SCN9A: variants seen among roughly 807,000 people sequenced by gnomAD.
SCN9A encodes sodium voltage-gated channel alpha subunit 9, also known as sodium channel protein type 9 subunit alpha.
SCN9A carries 131 observed loss-of-function variants against 187.0 expected under a neutral mutation model. The ratio of observed to expected loss-of-function variants is 0.70; its 90% confidence interval spans 0.61 to 0.81. The LOEUF (loss-of-function observed/expected upper bound fraction) is 0.81, where lower values mean the gene tolerates loss of function less well. Among genes scored for constraint, SCN9A ranks in the 30% least tolerant of loss-of-function variants. SCN9A has a pLI of 0.00. For missense variants in SCN9A, 2,252 were observed against 2,396.6 expected (o/e 0.94, Z 1.26); for synonymous variants, 809 against 808.6 (o/e 1.00, Z -0.01).
chr2:166,369,174 CATATA>C, intron 1 of SCN9A, among the ~76,000 whole-genome samples: 1 of 151,218 alleles, frequency 6.6e-6, no homozygotes, highest in East Asian at 1.9e-4. Context: ...CTATATATAA[CATATA>C]ATATAGTCCT....
At chr2:166,348,471 C>A (rs918289627) in intron 1 of SCN9A, among the ~76,000 whole-genome samples, 1 of 152,140 alleles carries the variant, frequency 6.6e-6, no homozygotes, top group African/African-American at 2.4e-5. Flanking sequence ...AACCCTAAAC[C>A]CTTTCCCTTT....
intron 1 of SCN9A, among the ~76,000 whole-genome samples, chr2:166,359,018 T>C (rs1288683892): frequency 6.6e-6 from 1 of 152,216 alleles, no homozygotes; most frequent in Non-Finnish European, 1.5e-5. Context: ...AAATAATATT[T>C]CTTTCAACCT....
chr2:166,308,598 G>T (rs1698834702), intron 2 of SCN9A, among the ~76,000 whole-genome samples: 1 of 152,064 alleles, frequency 6.6e-6, no homozygotes, highest in African/African-American at 2.4e-5. Context: ...AAATTACCCA[G>T]TCTCAGGTAG....
At chr2:166,212,455 T>C (rs564932638) in intron 24 of SCN9A, among the ~76,000 whole-genome samples, 1 of 152,294 alleles carries the variant, frequency 6.6e-6, no homozygotes, top group South Asian at 2.1e-4. Context: ...TATAAATATA[T>C]GTGAATCCAT....
chr2:166,213,646 T>C (rs1179130247), intron 24 of SCN9A, among the ~76,000 whole-genome samples: 1 of 152,154 alleles, frequency 6.6e-6, no homozygotes, highest in African/African-American at 2.4e-5. Flanking sequence ...AAAGTCATTT[T>C]ATGGGGCCAG....
intron 7 of SCN9A, among the ~76,000 whole-genome samples, chr2:166,297,073 T>A (rs1375724318): frequency 6.6e-6 from 1 of 151,338 alleles, no homozygotes; most frequent in Non-Finnish European, 1.5e-5. Flanking sequence ...GGCGGGCACC[T>A]GTAGTCCCAG....
At chr2:166,199,961 A>G (rs1693407956) in intron 26 of SCN9A, 97 bp from the exon 27 acceptor site, 7 of 303,362 alleles carry the variant, frequency 2.3e-5, no homozygotes, top group Non-Finnish European at 4.5e-5. Context: ...CTCATTTCTT[A>G]TGAATTCAAG....
intron 1 of SCN9A, among the ~76,000 whole-genome samples, chr2:166,323,320 T>G (rs1559041648): frequency 6.6e-6 from 1 of 152,206 alleles, no homozygotes; most frequent in Non-Finnish European, 1.5e-5. Flanking sequence ...GTGCCTGGTA[T>G]GGCTCTGAAC....
intron 1 of SCN9A, among the ~76,000 whole-genome samples, chr2:166,314,075 C>G (rs1406026252): frequency 6.6e-6 from 1 of 152,068 alleles, no homozygotes; most frequent in Admixed American, 6.5e-5. Context: ...ACAGTAACAA[C>G]AAAGATCACT....
At chr2:166,284,274 T>A (rs1697625463) in intron 12 of SCN9A, among the ~76,000 whole-genome samples, 179 bp downstream of exon 12, 1 of 152,190 alleles carries the variant, frequency 6.6e-6, no homozygotes, top group Admixed American at 6.5e-5. Flanking sequence ...ATCTTTGAGT[T>A]AGATGCCTAC....
At chr2:166,203,302 C>A (rs1208104345) in intron 26 of SCN9A, among the ~76,000 whole-genome samples, 2 of 151,602 alleles carry the variant, frequency 1.3e-5, no homozygotes, top group Non-Finnish European at 3.0e-5. Context: ...GAAATACAAT[C>A]CTAAAATACT....
At position 166,329,566 on chromosome 2, in the gene SCN9A, T is replaced by TGG. The variant is rs542456172; in HGVS notation, c.-50-17762_-50-17761dup. Among the ~76,000 whole-genome samples, 1,256 of 147,080 alleles carry TGG rather than the reference T, an allele frequency of 8.5e-3. 15 individuals are homozygous for TGG. The highest frequency in any genetic ancestry group is 0.023 in the African/African-American group (909 of 39,556). ...ACCCATTTTTGTTGTTTGTTATTGTTGGGGGGGGGTTGTTGTTGTTGTTTG... is the reference window on the plus strand; with the variant it reads ...ACCCATTTTTGTTGTTTGTTATTGTTGGGGGGGGGGGTTGTTGTTGTTGTTTG... On this transcript the variant is annotated intron_variant, in intron 1 of 26. Coordinates refer to ENST00000642356, the MANE Select transcript of SCN9A (RefSeq NM_001365536.1).
At chr2:166,317,915 GCT>G (rs899315084) in intron 1 of SCN9A, among the ~76,000 whole-genome samples, 25 of 152,300 alleles carry the variant, frequency 1.6e-4, no homozygotes, top group African/African-American at 5.3e-4. Flanking sequence ...CAAAGCAGAA[GCT>G]ACAGTCTAGA....
chr2:166,292,955 G>A (rs1027990391), intron 9 of SCN9A, among the ~76,000 whole-genome samples: 3 of 152,094 alleles, frequency 2.0e-5, no homozygotes, highest in African/African-American at 7.2e-5. Context: ...ATTACAGTAT[G>A]TCCTGGTACT....
Position 166,272,696 on chromosome 2 carries a change from TG to T in SCN9A, c.3053del (p.Pro1018GlnfsTer7). 6.3e-7 allele frequency: 1 copy of T among 1,598,482 alleles called. No homozygotes were observed. The highest frequency in any genetic ancestry group is 8.5e-7 in the Non-Finnish European group (1 of 1,172,828). On this transcript the variant is annotated frameshift_variant, in exon 17 of 27. Coordinates refer to ENST00000642356, the MANE Select transcript of SCN9A (RefSeq NM_001365536.1). LOFTEE classifies it high-confidence loss of function. ...EFILKAFSKKPKISREIRQAE... is the reference protein window; with the variant it reads ...EFILKAFSKKXKISREIRQAE... ...CTTGTCTTATCTCCCTGGAAATCTT[TG>T]GCTTTTTGGAAAATGCTTTTAGAAT...
intron 1 of SCN9A, among the ~76,000 whole-genome samples, chr2:166,335,568 G>A (rs1699606535): frequency 6.6e-6 from 1 of 152,116 alleles, no homozygotes; most frequent in Admixed American, 6.6e-5. Flanking sequence ...CTGATTGGCT[G>A]TTCTCTAGCA....
rs267598977 is a variant in SCN9A, at chr2:166,311,574, G to A, written c.183C>T (p.Phe61=). ...TGCCGGGAGGAATGTCCCCATAGATGAAGGGCAGCTGTTTGCCAGCTTCCA... is the reference window on the plus strand; with the variant it reads ...TGCCGGGAGGAATGTCCCCATAGATAAAGGGCAGCTGTTTGCCAGCTTCCA... ...SDLEAGKQLP[F]IYGDIPPGMV... The change falls in exon 2 of 27, where the codon TTC becomes TTT. Residue 61 remains phenylalanine, a synonymous_variant. Transcript: ENST00000642356. The A allele has an allele frequency of 2.5e-6, 4 of 1,613,088 alleles. No homozygotes were observed. The African/African-American group carries it at 4.0e-5, about 16-fold the overall frequency.
At chr2:166,340,541 C>CCTTTCTTT (rs201511761) in intron 1 of SCN9A, among the ~76,000 whole-genome samples, 3,093 of 67,300 alleles carry the variant, frequency 0.046, 53 homozygotes, top group East Asian at 0.08. Context: ...CTTTTCTTTC[C>CCTTTCTTT]CTTTCTTTCT....
Position 166,196,870 on chromosome 2 carries a change from G to T in SCN9A, c.*1802C>A, listed in dbSNP as rs1276098472. The T allele has an allele frequency of 6.6e-6, 1 of 152,030 alleles. No individual in the cohort carries two copies. Among genetic ancestry groups the T allele is most frequent in the African/African-American group, 2.4e-5 (1 of 41,444 alleles). 9.4% of individuals were successfully genotyped at this position (152,030 alleles called of 1,614,324 possible). Reference sequence around the variant, plus strand: ...AGCCCTAGATTGAGTTTTATACGTAGATTAGGACAAATGTCTCAAAGTAAT... The same window carrying T: ...AGCCCTAGATTGAGTTTTATACGTATATTAGGACAAATGTCTCAAAGTAAT... On this transcript the variant is annotated 3_prime_UTR_variant, in exon 27 of 27. Transcript: ENST00000642356.
Sources: gnomAD v4.1 joint callset for allele counts (sites outside exome capture counted in the v4.1 genomes callset) on GRCh38, gnomAD v4.1.1 for gene constraint, MANE v1.5 for transcripts, NCBI Gene and HGNC (gene_info 2026-07-23, HGNC 2026-07-21) for gene names.